The following PLOD3 variants were observed in gnomAD, a reference collection of about 807,000 sequenced individuals.
PLOD3 encodes procollagen-lysine,2-oxoglutarate 5-dioxygenase 3, also known as multifunctional procollagen lysine hydroxylase and glycosyltransferase LH3.
A neutral mutation model predicts 96.9 loss-of-function variants in PLOD3; 73 were observed. The ratio of observed to expected loss-of-function variants is 0.75; its 90% confidence interval spans 0.62 to 0.92. PLOD3 has a LOEUF of 0.92. PLOD3 is among the 40% of genes least tolerant of loss of function. The probability of loss-of-function intolerance (pLI) is 0.00; values close to 1 mark genes in which losing one functional copy is unlikely to be tolerated. For synonymous variants in PLOD3, 454 were observed against 413.7 expected, an observed-to-expected ratio of 1.10 and a Z score of -1.18; for missense variants, 1,004 against 1,004.3, an observed-to-expected ratio of 1.00 and a Z score of 0.00.
In PLOD3 at chr7:101,206,389, C is replaced by T. The variant is rs755819791; in HGVS notation, c.2109G>A (p.Pro703=). ...GGTGCAGGAGTGCCCAGCCCTTCCT[C>T]GGGGAGGAGATCACACAGTCGTAGC... ...FLRYDCVISS[P]RKGWALLHPG... is the part of the protein sequence containing the mutation. The change falls in exon 19 of 19, where the codon CCG becomes CCA. Residue 703 remains proline, a synonymous_variant. Transcript: ENST00000223127. 5.6e-5 allele frequency: 91 copies of T among 1,613,446 alleles called. 2 individuals carry two copies. The Admixed American group carries it at 1.2e-3, about 21-fold the overall frequency.
In PLOD3 at chr7:101,207,628, T is replaced by A; in HGVS notation, c.1885A>T (p.Thr629Ser). Residue 629 changes from threonine to serine, a missense_variant, in exon 17 of 19, where the codon ACG becomes TCG. Physicochemically the swap from Thr to Ser is moderately conservative, Grantham distance 58. Around this residue, in one of 5 missense-constraint regions of PLOD3, gnomAD observed 222 missense variants for 220.4 expected, o/e 1.01. Coordinates refer to ENST00000223127, the MANE Select transcript of PLOD3 (RefSeq NM_001084.5). ...YEDQWLQLLR[T>S]YVGPMTESLF... ...CTCTCGGTCATGGGGCCCACATACG[T>A]CCGCAGCAGCTGCAGCCACTGGTCC... The A allele has an allele frequency of 6.2e-7, 1 of 1,613,920 alleles. No homozygotes were observed. Among genetic ancestry groups the A allele is most frequent in the Non-Finnish European group, 8.5e-7 (1 of 1,179,938 alleles).
At chr7:101,215,338 A>T (rs1328961608) in intron 5 of PLOD3, among the ~76,000 whole-genome samples, 186 bp from the exon 6 acceptor site, 1 of 152,154 alleles carries the variant, frequency 6.6e-6, no homozygotes, top group East Asian at 1.9e-4. Flanking sequence ...TCAGCCTTCC[A>T]AGTAACTGGG....
At chr7:101,206,691 G>T (rs1798089928) in intron 18 of PLOD3, 88 bp downstream of exon 18, 2 of 1,417,184 alleles carry the variant, frequency 1.4e-6, no homozygotes, top group Non-Finnish European at 1.9e-6. Flanking sequence ...GGGCAGGGAG[G>T]GGAGCTGGGG....
Position 101,211,940 on chromosome 7 carries a change from G to T in PLOD3, c.1138C>A (p.Arg380=). The change falls in exon 11 of 19, where the codon CGG becomes AGG. Residue 380 remains arginine, a synonymous_variant. Coordinates refer to ENST00000223127, the MANE Select transcript of PLOD3 (RefSeq NM_001084.5). The part of the protein sequence containing the change: ...EARDMAMDLC[R]QDPECEFYFS... ...TAGAACTCACACTCGGGGTCCTGCCGACACAGGTCCCTGGAGGTGAGAGGC... is the reference window on the plus strand; with the variant it reads ...TAGAACTCACACTCGGGGTCCTGCCTACACAGGTCCCTGGAGGTGAGAGGC... 8 of 1,603,462 alleles carry T rather than the reference G, an allele frequency of 5.0e-6. No individual in the cohort carries two copies. Among genetic ancestry groups the T allele is most frequent in the Non-Finnish European group, 6.8e-6 (8 of 1,175,244 alleles).
rs151289223 is a variant in PLOD3, at chr7:101,212,467, C to T, written c.1005+63G>A. The T allele has an allele frequency of 3.1e-5, 49 of 1,588,604 alleles. No individual in the cohort carries two copies. In the East Asian group the frequency reaches 4.7e-4, roughly 15 times the overall value. ...CAGGAAGGAGATGGGGGTGGGGGCA[C>T]GAGAGTTCTGATCAGGGCAGGGAAA... On this transcript the variant is annotated intron_variant, in intron 9 of 18. Coordinates refer to ENST00000223127, the MANE Select transcript of PLOD3 (RefSeq NM_001084.5).
chr7:101,213,640 TCAGG>T, intron 6 of PLOD3: 2 of 195,806 alleles, frequency 1.0e-5, no homozygotes, highest in Non-Finnish European at 2.1e-5. Flanking sequence ...CCTCAGCCTT[TCAGG>T]TAGCTGAGAC....
Position 101,216,191 on chromosome 7 carries a change from G to C in PLOD3, c.474C>G (p.Gly158=). The C allele has an allele frequency of 1.2e-6, 2 of 1,613,896 alleles. No individual in the cohort carries two copies. Among genetic ancestry groups the C allele is most frequent in the East Asian group, 4.5e-5 (2 of 44,876 alleles). ...WGLAEQYPEV[G]TGKRFLNSGG... ...CAGAATTGAGGAAGCGCTTCCCCGT[G>C]CCCACCTCAGGGTACTGCTCCGCCA... Residue 158 remains glycine (G), a synonymous_variant, in exon 4 of 19, where the codon GGC becomes GGG. Transcript: ENST00000223127.
At chr7:101,211,801 G>A in intron 11 of PLOD3, 45 bp downstream of exon 11, 2 of 1,586,162 alleles carry the variant, frequency 1.3e-6, no homozygotes, top group Non-Finnish European at 1.7e-6. Context: ...GGTTCCCGGG[G>A]CCTGTTGGGG....
chr7:101,211,631 G>T lies in PLOD3; in HGVS notation c.1318C>A (p.Arg440Ser). The T allele has an allele frequency of 6.2e-7, 1 of 1,606,638 alleles. No homozygotes were observed. Among genetic ancestry groups the T allele is most frequent in the Admixed American group, 1.7e-5 (1 of 58,546 alleles). Residue 440 changes from arginine (R) to serine (S), a missense_variant, in exon 12 of 19, where the codon CGC becomes AGC. Arg to Ser is a moderately radical substitution (Grantham distance 110, BLOSUM62 -1). This residue lies in a region of PLOD3 where 690 missense variants were observed against 650.2 expected (regional missense o/e 1.06). Transcript: ENST00000223127. ...GALSPDEYYA[R>S]SEDYVELVQR... ...ACCAGCTCCACGTAGTCCTCGGAGC[G>T]GGCGTAGTACTCATCGGGGCTCAGG...
chr7:101,211,327 G>A (rs11975104), intron 12 of PLOD3: 4,710 of 421,494 alleles, frequency 0.011, 96 homozygotes, highest in East Asian at 0.077. Context: ...CCACAGGCAC[G>A]CACCACCGTG....
intron 11 of PLOD3, 62 bp downstream of exon 11, chr7:101,211,784 G>A: frequency 6.3e-7 from 1 of 1,587,764 alleles, no homozygotes; most frequent in Non-Finnish European, 8.6e-7. Context: ...GCCCAGGGCA[G>A]GAGTGGGGTT....
At chr7:101,210,814 G>A (rs1261367653) in intron 12 of PLOD3, 141 bp from the exon 13 acceptor site, 1 of 839,594 alleles carries the variant, frequency 1.2e-6, no homozygotes, top group Non-Finnish European at 1.9e-6. Flanking sequence ...AGCACTGCTG[G>A]TCCCAACCAC....
chr7:101,210,760 G>A, intron 12 of PLOD3, 87 bp from the exon 13 acceptor site: 1 of 1,484,984 alleles, frequency 6.7e-7, no homozygotes, highest in South Asian at 1.2e-5. Context: ...TTCCCTCAGG[G>A]TATCCCAGTC....
At position 101,206,061 on chromosome 7, in the gene PLOD3, T is replaced by G; in HGVS notation, c.*220A>C. 1.6e-6 allele frequency: 1 copy of G among 625,916 alleles called. No homozygotes were observed. Among genetic ancestry groups the G allele is most frequent in the Non-Finnish European group, 2.8e-6 (1 of 351,818 alleles). The allele number at this position is 625,916 out of a possible 1,614,324, so 38.8% of individuals were successfully genotyped here. A position where few individuals can be genotyped will look rare whatever the true frequency, so the allele number is the denominator to read the frequency against. On this transcript the variant is annotated 3_prime_UTR_variant, in exon 19 of 19. Coordinates refer to ENST00000223127, the MANE Select transcript of PLOD3 (RefSeq NM_001084.5). ...ACGCGGGGAGTCCCCAGAAGCCCTG[T>G]GCCCACGAACCCCTGTGGGCGGAGG...
At chr7:101,210,050 G>T in intron 15 of PLOD3, 43 bp downstream of exon 15, 1 of 1,098,668 alleles carries the variant, frequency 9.1e-7, no homozygotes, top group Non-Finnish European at 1.3e-6. Context: ...AGAGGCGATG[G>T]CCATGAGGGC....
rs193247871 is a variant in PLOD3, at chr7:101,212,273, G to A, written c.1107C>T (p.Gly369=). 3 of 1,613,290 alleles carry A rather than the reference G, an allele frequency of 1.9e-6. No individual in the cohort carries two copies. Among genetic ancestry groups the A allele is most frequent in the Admixed American group, 1.7e-5 (1 of 60,012 alleles). The change falls in exon 10 of 19, where the codon GGC becomes GGT. Residue 369 remains glycine (G), a synonymous_variant. Coordinates refer to ENST00000223127, the MANE Select transcript of PLOD3 (RefSeq NM_001084.5). ...CTCACATGGCCATGTCCCTGGCCTC[G>A]CCTGGGCTCAGAGCCTCCTCCGGCC... is the stretch of plus-strand genomic sequence containing the variant. ...LVGPEEALSP[G]EARDMAMDLC... is the part of the protein sequence containing the mutation.
intron 12 of PLOD3, 29 bp from the exon 13 acceptor site, chr7:101,210,702 G>T (rs1369988930): frequency 6.2e-7 from 1 of 1,612,246 alleles, no homozygotes; most frequent in Non-Finnish European, 8.5e-7. Flanking sequence ...CGGTCAGCTG[G>T]GAGGACAGCC....
chr7:101,215,137 T>A lies in PLOD3; in HGVS notation c.631A>T (p.Asn211Tyr). 1 of 1,612,302 alleles carries A rather than the reference T, an allele frequency of 6.2e-7. No homozygotes were observed. Among genetic ancestry groups the A allele is most frequent in the Non-Finnish European group, 8.5e-7 (1 of 1,178,250 alleles). The change falls in exon 6 of 19, where the codon AAT becomes TAT. Residue 211 changes from asparagine to tyrosine, a missense_variant. Physicochemically the swap from Asn to Tyr is moderately radical, Grantham distance 143. Transcript: ENST00000223127. ...AAGATCCGAGACTTATGATCCAGAT[T>A]AAGGCTGAGTTTCTCCTAAATGGAA... The part of the protein sequence containing the change: ...DPGLREKLSL[N>Y]LDHKSRIFQN...
chr7:101,212,236 C>T lies in PLOD3; in HGVS notation c.1127+17G>A, dbSNP rs1207709900. 6 of 1,611,222 alleles carry T rather than the reference C, an allele frequency of 3.7e-6. No homozygotes were observed. The highest frequency in any genetic ancestry group is 1.1e-5 in the South Asian group (1 of 91,012). On this transcript the variant is annotated intron_variant, in intron 10 of 18. Transcript: ENST00000223127. ...CAGCCTCATCCCACCCTCTCCTCCC[C>T]GCAAGCACCCGCTCACATGGCCATG...
Sources: allele counts gnomAD v4.1 joint callset (sites outside exome capture counted in the v4.1 genomes callset), GRCh38; gene constraint gnomAD v4.1.1; regional missense constraint gnomAD v4.1.1; transcripts MANE v1.5; gene names NCBI Gene and HGNC (gene_info 2026-07-23, HGNC 2026-07-21).